The following PDE4B variants were observed in gnomAD, a reference collection of about 807,000 sequenced individuals.
The protein encoded by PDE4B is 3',5'-cyclic-AMP phosphodiesterase 4B.
In PDE4B, 20 loss-of-function variants were observed where a neutral mutation model predicts 82.2. The observed-to-expected ratio is 0.24, with a 90% CI of 0.17 to 0.35. The LOEUF is 0.35. PDE4B is among the 10% of genes least tolerant of loss of function. The pLI, the probability that PDE4B is intolerant of heterozygous loss-of-function variation, is 1.00. For missense variants in PDE4B, 655 were observed against 907.2 expected (o/e 0.72, Z 3.57); for synonymous variants, 320 against 318.9 (o/e 1.00, Z -0.04).
At chr1:65,996,933 C>T (rs1393541839) in intron 3 of PDE4B, among the ~76,000 whole-genome samples, 1 of 152,212 alleles carries the variant, frequency 6.6e-6, no homozygotes, top group Admixed American at 6.5e-5. Context: ...GGGATGACAA[C>T]TTATGAAGCA....
intron 2 of PDE4B, among the ~76,000 whole-genome samples, chr1:65,916,484 T>A (rs906122348): frequency 6.6e-6 from 1 of 152,144 alleles, no homozygotes; most frequent in African/African-American, 2.4e-5. Flanking sequence ...ATGATAGATA[T>A]CCTTATTTCT....
chr1:66,030,548 G>A (rs1297495846), intron 3 of PDE4B, among the ~76,000 whole-genome samples: 1 of 152,192 alleles, frequency 6.6e-6, no homozygotes, highest in African/African-American at 2.4e-5. Flanking sequence ...ACTTTTTATT[G>A]TTCTGTTCAG....
chr1:66,161,249 G>A (rs1418637462), intron 3 of PDE4B, among the ~76,000 whole-genome samples: 1 of 151,884 alleles, frequency 6.6e-6, no homozygotes, highest in Non-Finnish European at 1.5e-5. Flanking sequence ...GCACCGACAT[G>A]CACAAACAGG....
intron 3 of PDE4B, among the ~76,000 whole-genome samples, chr1:66,170,951 T>C (rs1245058063): frequency 6.6e-6 from 1 of 152,200 alleles, no homozygotes; most frequent in Admixed American, 6.6e-5. Flanking sequence ...GATTAAACTT[T>C]GAACTGCTCT....
intron 3 of PDE4B, among the ~76,000 whole-genome samples, chr1:66,069,543 G>A (rs1250348029): frequency 6.6e-6 from 1 of 151,916 alleles, no homozygotes; most frequent in Non-Finnish European, 1.5e-5. Flanking sequence ...TTATGGCTCT[G>A]ATTATCTACA....
At chr1:66,187,255 T>C (rs948603835) in intron 3 of PDE4B, among the ~76,000 whole-genome samples, 7 of 151,958 alleles carry the variant, frequency 4.6e-5, no homozygotes, top group African/African-American at 1.4e-4. Context: ...CTGAGGATTT[T>C]TGCATCAATG....
At chr1:65,925,513 A>AC (rs1647450836) in intron 3 of PDE4B, among the ~76,000 whole-genome samples, 2 of 151,626 alleles carry the variant, frequency 1.3e-5, no homozygotes, top group African/African-American at 4.8e-5. Flanking sequence ...CTTCTTATGC[A>AC]CCCCCCGAGC....
At chr1:66,030,138 T>C (rs1653689944) in intron 3 of PDE4B, among the ~76,000 whole-genome samples, 1 of 152,148 alleles carries the variant, frequency 6.6e-6, no homozygotes. Context: ...ATTCTGTTTA[T>C]GGGGTGAATC....
chr1:66,076,010 T>TTTTC, intron 3 of PDE4B, among the ~76,000 whole-genome samples: 1 of 152,036 alleles, frequency 6.6e-6, no homozygotes, highest in Non-Finnish European at 1.5e-5. Flanking sequence ...ACTGCTTTCT[T>TTTTC]TTTCTTTCTT....
At chr1:65,837,209 A>G (rs1204434915) in intron 1 of PDE4B, among the ~76,000 whole-genome samples, 2 of 152,080 alleles carry the variant, frequency 1.3e-5, no homozygotes, top group Admixed American at 6.6e-5. Context: ...TATATCATGT[A>G]TTGTATATAC....
chr1:66,071,251 T>C (rs1656141498), intron 3 of PDE4B, among the ~76,000 whole-genome samples: 1 of 152,072 alleles, frequency 6.6e-6, no homozygotes. Flanking sequence ...TTTATTTTGG[T>C]TATTTTGGCT....
chr1:66,319,209 G>T (rs889794376), intron 7 of PDE4B, among the ~76,000 whole-genome samples: 5 of 152,182 alleles, frequency 3.3e-5, no homozygotes, highest in Admixed American at 6.6e-5. Context: ...AGATGAAAGA[G>T]ATTTTAGCTA....
intron 3 of PDE4B, among the ~76,000 whole-genome samples, chr1:66,095,404 C>T (rs1462462147): frequency 6.6e-6 from 1 of 151,748 alleles, no homozygotes; most frequent in South Asian, 2.1e-4. Context: ...GGCGCAATTA[C>T]TGTAATTCTG....
chr1:66,041,825 C>CAT (rs1553136770), intron 3 of PDE4B, among the ~76,000 whole-genome samples: 484 of 40,156 alleles, frequency 0.012, 4 homozygotes, highest in East Asian at 0.055. Flanking sequence ...CACACACACA[C>CAT]ACATACACAC....
intron 3 of PDE4B, among the ~76,000 whole-genome samples, chr1:66,044,864 C>T (rs1194895919): frequency 6.6e-6 from 1 of 151,648 alleles, no homozygotes; most frequent in Non-Finnish European, 1.5e-5. Context: ...TTATAAACAT[C>T]AGCTACTGAG....
chr1:65,831,608 C>A (rs1646082366), intron 1 of PDE4B, among the ~76,000 whole-genome samples: 1 of 152,088 alleles, frequency 6.6e-6, no homozygotes, highest in Non-Finnish European at 1.5e-5. Context: ...ATAAAATAGT[C>A]CCAGTTCTTC....
At chr1:66,144,188 C>T (rs1015170192) in intron 3 of PDE4B, among the ~76,000 whole-genome samples, 2 of 152,188 alleles carry the variant, frequency 1.3e-5, no homozygotes, top group African/African-American at 4.8e-5. Flanking sequence ...ACCGTGCAAA[C>T]GGTTCCAGGT....
chr1:65,851,742 GGTCT>G (rs1166005071), intron 1 of PDE4B, among the ~76,000 whole-genome samples: 1 of 151,698 alleles, frequency 6.6e-6, no homozygotes, highest in Non-Finnish European at 1.5e-5. Context: ...TTTTAAAGGA[GGTCT>G]GTCTTTCTTG....
chr1:66,058,794 C>T (rs1192108215), intron 3 of PDE4B, among the ~76,000 whole-genome samples: 1 of 152,200 alleles, frequency 6.6e-6, no homozygotes, highest in African/African-American at 2.4e-5. Flanking sequence ...CCCTAGACCT[C>T]CAGTAAAGGA....
Sources: allele counts gnomAD v4.1 joint callset (sites outside exome capture counted in the v4.1 genomes callset), GRCh38; gene constraint gnomAD v4.1.1; transcripts MANE v1.5; gene names NCBI Gene and HGNC (gene_info 2026-07-23, HGNC 2026-07-21).